The following PCCA variants were observed in gnomAD, a reference collection of about 807,000 sequenced individuals.
The protein encoded by PCCA is propionyl-CoA carboxylase subunit alpha.
A neutral mutation model predicts 101.3 loss-of-function variants in PCCA; 74 were observed. The observed-to-expected ratio is 0.73, with a 90% CI of 0.61 to 0.89. The LOEUF is 0.89. Among genes scored for constraint, PCCA ranks in the 40% least tolerant of loss-of-function variants. The pLI is 0.00. For missense variants in PCCA, 891 were observed against 907.0 expected (o/e 0.98, Z 0.23); for synonymous variants, 294 against 313.6 (o/e 0.94, Z 0.66).
At chr13:100,481,985 A>T (rs1421387544) in intron 21 of PCCA, among the ~76,000 whole-genome samples, 1 of 152,238 alleles carries the variant, frequency 6.6e-6, no homozygotes, top group East Asian at 1.9e-4. Flanking sequence ...CGTTGCTTTA[A>T]TTCCTAAAAT....
intron 12 of PCCA, among the ~76,000 whole-genome samples, chr13:100,277,568 T>C (rs182110835): frequency 3.3e-5 from 5 of 152,224 alleles, no homozygotes; most frequent in Non-Finnish European, 4.4e-5. Flanking sequence ...ATTAAATAAG[T>C]TTGTGTCCTG....
At chr13:100,422,236 A>C (rs939693286) in intron 19 of PCCA, among the ~76,000 whole-genome samples, 1 of 150,552 alleles carries the variant, frequency 6.6e-6, no homozygotes, top group Non-Finnish European at 1.5e-5. Context: ...GGGCTCAAGC[A>C]ATCTCCCCTG....
intron 2 of PCCA, among the ~76,000 whole-genome samples, chr13:100,110,752 C>T (rs1443401065): frequency 1.3e-5 from 2 of 152,134 alleles, no homozygotes; most frequent in African/African-American, 4.8e-5. Flanking sequence ...TAGAATTTCC[C>T]AGAATTTAGA....
chr13:100,377,018 C>G (rs1475977483), intron 19 of PCCA, among the ~76,000 whole-genome samples: 1 of 152,190 alleles, frequency 6.6e-6, no homozygotes, highest in African/African-American at 2.4e-5. Flanking sequence ...AGCACTGCCC[C>G]TCCCTCATGG....
rs1381380437 is a variant in PCCA, at chr13:100,451,741, C to CT, written c.1899+2437dup. 5.8e-3 allele frequency among the ~76,000 whole-genome samples: 460 copies of CT among 79,800 alleles called. 7 individuals are homozygous for CT. The highest frequency in any genetic ancestry group is 0.022 in the African/African-American group (426 of 18,984). The allele number at this position is 79,800 out of a possible 152,430, so 52.4% of individuals were successfully genotyped here. A position where few individuals can be genotyped will look rare whatever the true frequency, so the allele number is the denominator to read the frequency against. Reference sequence around the variant, plus strand: ...CTCTCTCTCTCTCTCTCTCTCTCTTCTCTCCTTCCTCTCCCTCTCTGTCCT... The same window carrying CT: ...CTCTCTCTCTCTCTCTCTCTCTCTTCTTCTCCTTCCTCTCCCTCTCTGTCCT... On this transcript the variant is annotated intron_variant, in intron 21 of 23. Transcript: ENST00000376285.
intron 6 of PCCA, among the ~76,000 whole-genome samples, chr13:100,184,644 G>C (rs919483111): frequency 1.3e-5 from 2 of 152,174 alleles, no homozygotes; most frequent in Admixed American, 1.3e-4. Context: ...CAGCTCTTCT[G>C]TTGTAGTGTG....
intron 6 of PCCA, among the ~76,000 whole-genome samples, chr13:100,162,505 C>T (rs566103320): frequency 2.0e-5 from 3 of 152,258 alleles, no homozygotes; most frequent in South Asian, 4.1e-4. Flanking sequence ...TGTTTTTGAT[C>T]GATAGCTTTA....
intron 6 of PCCA, among the ~76,000 whole-genome samples, chr13:100,208,128 G>A (rs150849129): frequency 9.2e-5 from 14 of 152,120 alleles, no homozygotes; most frequent in African/African-American, 1.7e-4. Flanking sequence ...TCAGCTCAGC[G>A]TGTGCAAAGT....
At position 100,229,059 on chromosome 13, in the gene PCCA, T is replaced by C. The variant is rs375627198; in HGVS notation, c.601-6783T>C. On this transcript the variant is annotated intron_variant, in intron 7 of 23. Coordinates refer to ENST00000376285, the MANE Select transcript of PCCA (RefSeq NM_000282.4). ...TGTGGCTTTTCAATTTGAAAACTTATTGCCATGTAGAATTTGATTTTTTTT... is the reference window on the plus strand; with the variant it reads ...TGTGGCTTTTCAATTTGAAAACTTACTGCCATGTAGAATTTGATTTTTTTT... 1.0e-3 allele frequency among the ~76,000 whole-genome samples: 154 copies of C among 151,982 alleles called. 4 individuals carry two copies. In the South Asian group the frequency reaches 0.028, roughly 28 times the overall value.
chr13:100,530,356 C>A lies in PCCA; in HGVS notation c.*190C>A. 1.5e-6 allele frequency: 1 copy of A among 645,376 alleles called. No individual in the cohort carries two copies. The highest frequency in any genetic ancestry group is 2.8e-6 in the Non-Finnish European group (1 of 356,334). 40.0% of individuals were successfully genotyped at this position (645,376 alleles called of 1,614,324 possible). A position where few individuals can be genotyped will look rare whatever the true frequency, so the allele number is the denominator to read the frequency against. On this transcript the variant is annotated 3_prime_UTR_variant, in exon 24 of 24. Transcript: ENST00000376285. ...ATGGAAATTTTCATTGATATAAATACTTGTACATATGATTTGTACTTCTGC... is the reference window on the plus strand; with the variant it reads ...ATGGAAATTTTCATTGATATAAATAATTGTACATATGATTTGTACTTCTGC...
intron 12 of PCCA, among the ~76,000 whole-genome samples, chr13:100,281,082 A>G (rs555256482): frequency 6.6e-6 from 1 of 152,224 alleles, no homozygotes; most frequent in Admixed American, 6.5e-5. Flanking sequence ...CTTATGTTCA[A>G]GTCACCTCTA....
intron 19 of PCCA, among the ~76,000 whole-genome samples, chr13:100,384,214 C>A (rs372831488): frequency 2.0e-5 from 3 of 152,090 alleles, no homozygotes; most frequent in African/African-American, 4.8e-5. Flanking sequence ...TAAGTAGAGA[C>A]GGGGTTTCAC....
At chr13:100,505,817 T>C (rs1338451515) in intron 21 of PCCA, among the ~76,000 whole-genome samples, 1 of 151,174 alleles carries the variant, frequency 6.6e-6, no homozygotes, top group East Asian at 2.0e-4. Flanking sequence ...CAGTGAGCCA[T>C]GCCTGGGTGC....
chr13:100,331,934 AT>A (rs34411352), intron 17 of PCCA, among the ~76,000 whole-genome samples: 21,793 of 89,580 alleles, frequency 0.24, 1,799 homozygotes, highest in African/African-American at 0.39. Context: ...ATTACTTTGG[AT>A]TTTTTTTTTT....
At chr13:100,451,795 CCT>C (rs2081276052) in intron 21 of PCCA, among the ~76,000 whole-genome samples, 1 of 114,232 alleles carries the variant, frequency 8.8e-6, no homozygotes, top group African/African-American at 3.8e-5. Context: ...CTCTTCCTCT[CCT>C]CTCTGTCCTC....
chr13:100,506,288 G>A (rs893661396), intron 21 of PCCA, among the ~76,000 whole-genome samples: 7 of 151,364 alleles, frequency 4.6e-5, no homozygotes, highest in Admixed American at 4.6e-4. Context: ...TCAGCGTCTA[G>A]GATGTGTCAG....
At chr13:100,103,043 A>G (rs947837893) in intron 2 of PCCA, 83 bp downstream of exon 2, 15 of 887,314 alleles carry the variant, frequency 1.7e-5, no homozygotes, top group South Asian at 1.6e-4. Context: ...TGTTCAGTGG[A>G]CAGATGAGAT....
chr13:100,506,445 T>C (rs2086089257), intron 21 of PCCA, among the ~76,000 whole-genome samples: 1 of 152,322 alleles, frequency 6.6e-6, no homozygotes, highest in Admixed American at 6.5e-5. Flanking sequence ...GCCGACGGTC[T>C]ACCTCACAGT....
chr13:100,284,837 G>C (rs897182315), intron 12 of PCCA, among the ~76,000 whole-genome samples: 7 of 152,190 alleles, frequency 4.6e-5, no homozygotes, highest in Non-Finnish European at 8.8e-5. Context: ...AAGGGTTTAG[G>C]GATAGCCCTC....
Sources: allele counts gnomAD v4.1 joint callset (sites outside exome capture counted in the v4.1 genomes callset), GRCh38; gene constraint gnomAD v4.1.1; transcripts MANE v1.5; gene names NCBI Gene and HGNC (gene_info 2026-07-23, HGNC 2026-07-21).